PKN2: variants seen among roughly 807,000 people sequenced by gnomAD.
PKN2 encodes protein kinase N2.
In PKN2, 38 loss-of-function variants were observed where a neutral mutation model predicts 119.1. That is an observed-to-expected ratio of 0.32 (90% CI 0.25 to 0.42). The LOEUF (loss-of-function observed/expected upper bound fraction) is 0.42, where lower values mean the gene tolerates loss of function less well. PKN2 is among the 10% of genes least tolerant of loss of function. The pLI, the probability that PKN2 is intolerant of heterozygous loss-of-function variation, is 1.00. For missense variants in PKN2, 850 were observed against 1,165.1 expected (o/e 0.73, Z 3.94); for synonymous variants, 390 against 384.9 (o/e 1.01, Z -0.15).
At chr1:88,830,778 C>G (rs1672695071) in intron 19 of PKN2, among the ~76,000 whole-genome samples, 1 of 152,076 alleles carries the variant, frequency 6.6e-6, no homozygotes, top group African/African-American at 2.4e-5. Flanking sequence ...TATTTCTTCA[C>G]AGTTGTTTCT....
At chr1:88,724,029 T>C (rs915079148) in intron 1 of PKN2, among the ~76,000 whole-genome samples, 11 of 152,256 alleles carry the variant, frequency 7.2e-5, no homozygotes, top group Admixed American at 6.5e-4. Context: ...ATTTAGAGAT[T>C]TGAGAGAGAA....
chr1:88,781,064 TA>T (rs1570620665), intron 6 of PKN2: 5 of 1,131,324 alleles, frequency 4.4e-6, no homozygotes, highest in East Asian at 1.4e-4. Context: ...TTTAAGCTCC[TA>T]CTGGACCATA....
At chr1:88,820,022 TAGG>T (rs1046226623) in intron 16 of PKN2, among the ~76,000 whole-genome samples, 5 of 151,380 alleles carry the variant, frequency 3.3e-5, no homozygotes, top group Admixed American at 2.6e-4. Context: ...GGGATAGCAT[TAGG>T]AGAAATACCT....
At position 88,771,542 on chromosome 1, in the gene PKN2, A is replaced by G; in HGVS notation, c.744A>G (p.Val248=). Residue 248 remains valine (V), a synonymous_variant, in exon 5 of 22, where the codon GTA becomes GTG. Transcript: ENST00000370521. ...NVMKLLGSGK[V]TDRKALSEAQ... ...TGAAATTACTTGGCTCAGGAAAAGT[A>G]ACAGACAGAAAAGCACTTTCAGAAG... 2 of 1,597,364 alleles carry G rather than the reference A, an allele frequency of 1.3e-6. No individual in the cohort carries two copies. Among genetic ancestry groups the G allele is most frequent in the East Asian group, 2.2e-5 (1 of 44,626 alleles).
intron 1 of PKN2, among the ~76,000 whole-genome samples, chr1:88,732,223 T>C (rs537521507): frequency 3.9e-5 from 6 of 152,298 alleles, no homozygotes; most frequent in African/African-American, 1.4e-4. Context: ...TCTTTTGGTT[T>C]CTTTTAAATA....
chr1:88,745,589 A>T (rs1439671403), intron 2 of PKN2, among the ~76,000 whole-genome samples: 3 of 152,124 alleles, frequency 2.0e-5, no homozygotes, highest in African/African-American at 7.2e-5. Flanking sequence ...GAAATTGAAG[A>T]TGGTACAAAT....
intron 6 of PKN2, among the ~76,000 whole-genome samples, chr1:88,777,598 C>G (rs1480315153): frequency 6.6e-6 from 1 of 152,234 alleles, no homozygotes; most frequent in African/African-American, 2.4e-5. Context: ...AGAGACTATT[C>G]TTTCTCATGT....
chr1:88,822,120 A>T, intron 17 of PKN2, 117 bp downstream of exon 17: 2 of 934,742 alleles, frequency 2.1e-6, no homozygotes, highest in Non-Finnish European at 3.0e-6. Context: ...TTTCTCCTTC[A>T]CCTGTAAGTC....
intron 6 of PKN2, among the ~76,000 whole-genome samples, chr1:88,778,194 G>A (rs1271581931): frequency 6.6e-6 from 1 of 152,220 alleles, no homozygotes; most frequent in Non-Finnish European, 1.5e-5. Flanking sequence ...TTGGGCACGT[G>A]TTGTCAGGAC....
At chr1:88,760,060 T>G (rs1669379302) in intron 2 of PKN2, among the ~76,000 whole-genome samples, 162 bp from the exon 3 acceptor site, 2 of 151,018 alleles carry the variant, frequency 1.3e-5, no homozygotes, top group South Asian at 4.2e-4. Flanking sequence ...TTTTTTTTTT[T>G]GCATGAATTG....
intron 18 of PKN2, among the ~76,000 whole-genome samples, chr1:88,827,615 TTCCCTTCC>T (rs1672553351): frequency 6.3e-5 from 2 of 31,786 alleles, no homozygotes; most frequent in African/African-American, 8.8e-5. Context: ...TTCCCTCCCC[TTCCCTTCC>T]CTTCCCTTCC....
At chr1:88,797,720 T>C (rs1167521904) in intron 8 of PKN2, among the ~76,000 whole-genome samples, 5 of 152,198 alleles carry the variant, frequency 3.3e-5, no homozygotes, top group South Asian at 2.1e-4. Context: ...TAATTATCTG[T>C]GCCTCACTTG....
At chr1:88,783,847 A>G (rs186487518) in intron 6 of PKN2, among the ~76,000 whole-genome samples, 19 of 152,292 alleles carry the variant, frequency 1.2e-4, no homozygotes, top group Non-Finnish European at 2.1e-4. Context: ...TTTTTTGGCT[A>G]ATTAAACTAA....
intron 16 of PKN2, among the ~76,000 whole-genome samples, chr1:88,816,453 G>A (rs1292116800): frequency 6.6e-6 from 1 of 151,832 alleles, no homozygotes; most frequent in Non-Finnish European, 1.5e-5. Context: ...CACTCTATTG[G>A]CCAGGCTGGT....
At chr1:88,686,834 T>G (rs1477128199) in intron 1 of PKN2, among the ~76,000 whole-genome samples, 2 of 152,126 alleles carry the variant, frequency 1.3e-5, no homozygotes, top group Non-Finnish European at 2.9e-5. Flanking sequence ...AAGATTCACT[T>G]TTTTAAAAAG....
At chr1:88,743,330 T>A (rs1039947317) in intron 2 of PKN2, among the ~76,000 whole-genome samples, 3 of 152,198 alleles carry the variant, frequency 2.0e-5, no homozygotes, top group African/African-American at 7.2e-5. Flanking sequence ...TTTTCATCAC[T>A]TCAGTGCTTC....
chr1:88,713,730 C>T lies in PKN2; in HGVS notation c.49-27258C>T, dbSNP rs541650963. ...AAATTTTCTCCCATTCTGTAGGTTG[C>T]CTGTTCACTCTGATGGTAGTTTCTT... On this transcript the variant is annotated intron_variant, in intron 1 of 21. Transcript: ENST00000370521. 3.8e-4 allele frequency among the ~76,000 whole-genome samples: 58 copies of T among 152,212 alleles called. No individual in the cohort carries two copies. In the South Asian group the frequency reaches 0.012, roughly 31 times the overall value.
chr1:88,688,342 C>T (rs1666188911), intron 1 of PKN2, among the ~76,000 whole-genome samples: 1 of 151,014 alleles, frequency 6.6e-6, no homozygotes, highest in African/African-American at 2.4e-5. Flanking sequence ...GCCTCGGCCT[C>T]CCAAAGTGCT....
chr1:88,800,029 T>C (rs184242835), intron 8 of PKN2, among the ~76,000 whole-genome samples: 3 of 152,324 alleles, frequency 2.0e-5, no homozygotes, highest in African/African-American at 4.8e-5. Flanking sequence ...TTCTGTTTTT[T>C]AGTGGCAACA....
Sources: gnomAD v4.1 joint callset for allele counts (sites outside exome capture counted in the v4.1 genomes callset) on GRCh38, gnomAD v4.1.1 for gene constraint, MANE v1.5 for transcripts, NCBI Gene and HGNC (gene_info 2026-07-23, HGNC 2026-07-21) for gene names.